The following PTPRE variants were observed in gnomAD, a reference collection of about 807,000 sequenced individuals.
PTPRE encodes protein tyrosine phosphatase receptor type E.
A neutral mutation model predicts 102.0 loss-of-function variants in PTPRE; 51 were observed. That is an observed-to-expected ratio of 0.50 (90% CI 0.40 to 0.63). The LOEUF (loss-of-function observed/expected upper bound fraction) is 0.63. Among genes scored for constraint, PTPRE ranks in the 30% least tolerant of loss-of-function variants. The pLI is 0.00. For missense variants in PTPRE, 752 were observed against 915.1 expected, an observed-to-expected ratio of 0.82 and a Z score of 2.30; for synonymous variants, 345 against 348.2, an observed-to-expected ratio of 0.99 and a Z score of 0.10.
chr10:128,055,437 G>C (rs1039594892), intron 6 of PTPRE, among the ~76,000 whole-genome samples: 3 of 152,216 alleles, frequency 2.0e-5, no homozygotes, highest in Non-Finnish European at 4.4e-5. Context: ...GGACAAAGGA[G>C]TTGGTTAGCG....
In PTPRE at chr10:127,992,577, G is replaced by A. The variant is rs1852786009; in HGVS notation, c.-8+10281G>A. Among the ~76,000 whole-genome samples the A allele has an allele frequency of 1.3e-5, 2 of 152,034 alleles. 1 individual carries two copies. Among genetic ancestry groups the A allele is most frequent in the Non-Finnish European group, 2.9e-5 (2 of 68,002 alleles). On this transcript the variant is annotated intron_variant, in intron 2 of 20. Coordinates refer to ENST00000254667, the MANE Select transcript of PTPRE (RefSeq NM_006504.6). ...CTATTCAGGGCAGCTGCTCACCAACGCTCCTGGGCCTCGGGGCACTCAGGA... is the reference window on the plus strand; with the variant it reads ...CTATTCAGGGCAGCTGCTCACCAACACTCCTGGGCCTCGGGGCACTCAGGA...
chr10:127,947,005 A>C (rs1236860914), intron 1 of PTPRE, among the ~76,000 whole-genome samples: 1 of 149,790 alleles, frequency 6.7e-6, no homozygotes. Context: ...TAGATGACAG[A>C]ATGAGACCCT....
At chr10:127,927,334 G>C (rs1305162789) in intron 1 of PTPRE, among the ~76,000 whole-genome samples, 1 of 152,198 alleles carries the variant, frequency 6.6e-6, no homozygotes, top group Non-Finnish European at 1.5e-5. Flanking sequence ...ATGAAGTACT[G>C]GCTTGTATTC....
chr10:128,078,665 C>T (rs1851436088), intron 19 of PTPRE, among the ~76,000 whole-genome samples: 1 of 152,234 alleles, frequency 6.6e-6, no homozygotes, highest in Non-Finnish European at 1.5e-5. Flanking sequence ...GGGTGCACTC[C>T]TGGCCTGGCC....
intron 1 of PTPRE, among the ~76,000 whole-genome samples, chr10:127,960,358 C>G (rs1849702520): frequency 6.6e-6 from 1 of 152,218 alleles, no homozygotes; most frequent in Non-Finnish European, 1.5e-5. Flanking sequence ...GCAGACAAAC[C>G]CCTCTATCGT....
chr10:128,004,880 A>G (rs922909225), intron 2 of PTPRE, among the ~76,000 whole-genome samples: 2 of 152,196 alleles, frequency 1.3e-5, no homozygotes, highest in African/African-American at 4.8e-5. Flanking sequence ...ATTCTTCTAC[A>G]TCCGTGCCAA....
At chr10:127,923,922 G>T (rs1846812210) in intron 1 of PTPRE, among the ~76,000 whole-genome samples, 3 of 152,154 alleles carry the variant, frequency 2.0e-5, no homozygotes, top group Admixed American at 2.0e-4. Flanking sequence ...TCCATGTCTG[G>T]TCTGGGTTTT....
chr10:128,077,307 A>G (rs1475316606), intron 18 of PTPRE, among the ~76,000 whole-genome samples: 1 of 152,208 alleles, frequency 6.6e-6, no homozygotes, highest in Non-Finnish European at 1.5e-5. Context: ...TTCTTGAGAA[A>G]GTGATTCCCT....
Position 128,053,111 on chromosome 10 carries a change from C to T in PTPRE, c.421-3012C>T, listed in dbSNP as rs558053922. 2.2e-4 allele frequency among the ~76,000 whole-genome samples: 33 copies of T among 152,162 alleles called. 1 individual carries two copies. The highest frequency in any genetic ancestry group is 3.4e-3 in the Middle Eastern group (1 of 294). On this transcript the variant is annotated intron_variant, in intron 6 of 20. Transcript: ENST00000254667. ...CAAAAAACTACAAAAATTAGCTAGG[C>T]GTGGTGGTGTGCACCTGTAATCCCA...
At position 128,047,497 on chromosome 10, in the gene PTPRE, T is replaced by G. The variant is rs1392028107; in HGVS notation, c.209+8T>G. ...CGCCGCCTACTTCTTCAGGTAGGAG[T>G]GTCCCGGGGCACTGACTTGCCCCAA... On this transcript the variant is annotated splice_region_variant and intron_variant, in intron 4 of 20. Coordinates refer to ENST00000254667, the MANE Select transcript of PTPRE (RefSeq NM_006504.6). 3 of 1,613,076 alleles carry G rather than the reference T, an allele frequency of 1.9e-6. No homozygotes were observed. The highest frequency in any genetic ancestry group is 2.5e-6 in the Non-Finnish European group (3 of 1,179,940).
intron 1 of PTPRE, among the ~76,000 whole-genome samples, chr10:127,912,814 G>A (rs1845953397): frequency 6.6e-6 from 1 of 152,260 alleles, no homozygotes; most frequent in Non-Finnish European, 1.5e-5. Flanking sequence ...GTGCATGTAT[G>A]TGACATGGAG....
intron 2 of PTPRE, among the ~76,000 whole-genome samples, chr10:128,007,839 A>G (rs1844621990): frequency 6.6e-6 from 1 of 152,192 alleles, no homozygotes; most frequent in African/African-American, 2.4e-5. Flanking sequence ...TCATGCCCTG[A>G]TCAGCATCCG....
At chr10:128,021,017 C>T (rs2135688312) in intron 2 of PTPRE, among the ~76,000 whole-genome samples, 1 of 152,122 alleles carries the variant, frequency 6.6e-6, no homozygotes. Flanking sequence ...GCCTCAGCCT[C>T]CCGAGTAGCT....
At chr10:127,932,650 C>T (rs1214108271) in intron 1 of PTPRE, among the ~76,000 whole-genome samples, 1 of 152,160 alleles carries the variant, frequency 6.6e-6, no homozygotes, top group East Asian at 1.9e-4. Context: ...CTCATGCCAC[C>T]CTCCCACTCA....
chr10:128,029,719 A>C (rs1480886401), intron 2 of PTPRE, among the ~76,000 whole-genome samples: 2 of 152,236 alleles, frequency 1.3e-5, no homozygotes, highest in African/African-American at 4.8e-5. Context: ...GAGGAGGATG[A>C]AGAAAAGACG....
At chr10:127,931,214 T>G (rs773652613) in intron 1 of PTPRE, among the ~76,000 whole-genome samples, 69 of 152,244 alleles carry the variant, frequency 4.5e-4, no homozygotes, top group Non-Finnish European at 5.9e-4. Context: ...CAGGCCCTTA[T>G]TTGTATATAA....
intron 2 of PTPRE, among the ~76,000 whole-genome samples, chr10:127,990,644 A>G (rs1852551123): frequency 6.6e-6 from 1 of 152,096 alleles, no homozygotes; most frequent in Admixed American, 6.6e-5. Flanking sequence ...GTCGGCCATG[A>G]CGGGGACCAG....
At chr10:128,006,917 C>T (rs1162623716) in intron 2 of PTPRE, among the ~76,000 whole-genome samples, 1 of 152,176 alleles carries the variant, frequency 6.6e-6, no homozygotes, top group Non-Finnish European at 1.5e-5. Flanking sequence ...TGCTCAAAAA[C>T]GACACCAGAG....
chr10:128,041,493 C>T (rs1374240330), intron 3 of PTPRE, among the ~76,000 whole-genome samples: 1 of 151,736 alleles, frequency 6.6e-6, no homozygotes, highest in Non-Finnish European at 1.5e-5. Context: ...ACTAAAAGTA[C>T]AAAAATTAGC....
Sources: gnomAD v4.1 joint callset for allele counts (sites outside exome capture counted in the v4.1 genomes callset) on GRCh38, gnomAD v4.1.1 for gene constraint, MANE v1.5 for transcripts, NCBI Gene and HGNC (gene_info 2026-07-23, HGNC 2026-07-21) for gene names.